WWTR1: variants seen among roughly 807,000 people sequenced by gnomAD.
The protein encoded by WWTR1 is WW domain containing transcription regulator 1.
In WWTR1, 13 loss-of-function variants were observed where a neutral mutation model predicts 40.1. The ratio of observed to expected loss-of-function variants is 0.32; its 90% confidence interval spans 0.21 to 0.52. WWTR1 has a LOEUF of 0.52. WWTR1 is among the 20% of genes least tolerant of loss of function. The pLI, the probability that WWTR1 is intolerant of heterozygous loss-of-function variation, is 0.97. For synonymous variants in WWTR1, 230 were observed against 210.1 expected (o/e 1.09, Z -0.82); for missense variants, 436 against 523.1 (o/e 0.83, Z 1.63).
chr3:149,591,270 C>T (rs951243995), intron 2 of WWTR1, among the ~76,000 whole-genome samples: 10 of 152,180 alleles, frequency 6.6e-5, no homozygotes, highest in African/African-American at 1.9e-4. Flanking sequence ...AATGCTGGAA[C>T]CCTAAGCCAG....
chr3:149,664,125 G>A (rs34797842), intron 2 of WWTR1, among the ~76,000 whole-genome samples: 26 of 152,210 alleles, frequency 1.7e-4, no homozygotes, highest in African/African-American at 5.8e-4. Flanking sequence ...AAACTTGGTG[G>A]GGTGGCTAAG....
At chr3:149,560,961 C>T (rs548487009) in intron 3 of WWTR1, among the ~76,000 whole-genome samples, 1 of 151,638 alleles carries the variant, frequency 6.6e-6, no homozygotes. Flanking sequence ...GTAACACCCC[C>T]CCCCGCAAAA....
chr3:149,543,812 T>C (rs940467299), intron 3 of WWTR1, among the ~76,000 whole-genome samples: 4 of 150,956 alleles, frequency 2.6e-5, no homozygotes, highest in African/African-American at 9.7e-5. Context: ...GAAAACAAGG[T>C]ATAATTTTAT....
intron 2 of WWTR1, among the ~76,000 whole-genome samples, chr3:149,590,999 CTTTTTTT>C (rs35562651): frequency 1.4e-5 from 2 of 144,228 alleles, no homozygotes; most frequent in Non-Finnish European, 3.0e-5. Context: ...CAAAACTTAG[CTTTTTTT>C]TTTTTTTTAA....
chr3:149,666,798 A>G (rs1227206867), intron 2 of WWTR1, among the ~76,000 whole-genome samples: 3 of 152,342 alleles, frequency 2.0e-5, no homozygotes, highest in South Asian at 2.1e-4. Flanking sequence ...CTTTCAAATT[A>G]TATTTCTTCT....
chr3:149,631,465 T>A (rs1711545660), intron 2 of WWTR1, among the ~76,000 whole-genome samples: 1 of 152,182 alleles, frequency 6.6e-6, no homozygotes. Flanking sequence ...CTTCAGCCAG[T>A]TACTAAAAAA....
chr3:149,616,259 C>G (rs1242933799), intron 2 of WWTR1, among the ~76,000 whole-genome samples: 1 of 152,056 alleles, frequency 6.6e-6, no homozygotes, highest in Non-Finnish European at 1.5e-5. Flanking sequence ...CTCATTTTTC[C>G]CCTTAATTGA....
upstream of WWTR1, among the ~76,000 whole-genome samples, chr3:149,661,739 T>G (rs191027200): frequency 0.025 from 3,675 of 149,846 alleles, 60 homozygotes; most frequent in Non-Finnish European, 0.037. Context: ...TAAAGTTTTT[T>G]TTTTTTTTTT....
intron 2 of WWTR1, among the ~76,000 whole-genome samples, chr3:149,612,767 T>C (rs930968345): frequency 6.6e-6 from 1 of 152,230 alleles, no homozygotes; most frequent in Non-Finnish European, 1.5e-5. Context: ...TCAGAATTCC[T>C]GCACTCGTCA....
At chr3:149,563,876 C>A (rs987931577) in intron 3 of WWTR1, among the ~76,000 whole-genome samples, 7 of 152,172 alleles carry the variant, frequency 4.6e-5, no homozygotes, top group Non-Finnish European at 1.0e-4. Flanking sequence ...CTGAGCCTCC[C>A]AAGTAGCTGG....
intron 2 of WWTR1, among the ~76,000 whole-genome samples, chr3:149,579,303 C>A (rs11916830): frequency 0.094 from 14,251 of 152,192 alleles, 870 homozygotes; most frequent in Non-Finnish European, 0.13. Flanking sequence ...TCTTTTGCCA[C>A]AACCTAGCTG....
rs546629408 is a variant in WWTR1, at chr3:149,608,542, C to T, written c.432-35542G>A. On this transcript the variant is annotated intron_variant, in intron 2 of 6. Transcript: ENST00000360632. The stretch of plus-strand genomic sequence containing the variant: ...CTAGGACTACAGGCATGTGCCACCA[C>T]GCCTGGCTAATTTTTTTGTATTTTT... Among the ~76,000 whole-genome samples, 19 of 152,108 alleles carry T rather than the reference C, an allele frequency of 1.2e-4. No homozygotes were observed. The East Asian group carries it at 2.1e-3, about 17-fold the overall frequency.
chr3:149,563,710 CCCA>C (rs1302240768), intron 3 of WWTR1, among the ~76,000 whole-genome samples: 2 of 152,142 alleles, frequency 1.3e-5, no homozygotes, highest in Non-Finnish European at 2.9e-5. Flanking sequence ...CTGGCATTTT[CCCA>C]TCACTGTGCT....
At chr3:149,620,577 C>G (rs946402889) in intron 2 of WWTR1, among the ~76,000 whole-genome samples, 1 of 145,188 alleles carries the variant, frequency 6.9e-6, no homozygotes, top group Non-Finnish European at 1.5e-5. Context: ...CCCCCACACA[C>G]ACACACTCAT....
At chr3:149,722,305 C>A (rs1321696816) in intron 4 of WWTR1, among the ~76,000 whole-genome samples, 1 of 150,534 alleles carries the variant, frequency 6.6e-6, no homozygotes, top group Non-Finnish European at 1.5e-5. Context: ...GTTTCTTTTA[C>A]TTTTTCTAGT....
chr3:149,716,884 C>A (rs558824248), intron 5 of WWTR1, among the ~76,000 whole-genome samples: 35 of 152,166 alleles, frequency 2.3e-4, no homozygotes, highest in African/African-American at 7.7e-4. Flanking sequence ...TCACAAGAAT[C>A]AAAAATTATG....
At chr3:149,553,230 A>G (rs999503212) in intron 3 of WWTR1, among the ~76,000 whole-genome samples, 1 of 152,226 alleles carries the variant, frequency 6.6e-6, no homozygotes, top group Non-Finnish European at 1.5e-5. Context: ...TACAGCTGGC[A>G]TCAGCTGCAT....
chr3:149,572,925 G>A lies in WWTR1; in HGVS notation c.507C>T (p.His169=), dbSNP rs368081804. ...MNQPLNHMNL[H]PAVSSTPVPQ... is the part of the protein sequence containing the mutation. ...GCACTGGTGTGGAACTGACGGCAGGGTGGAGGTTCATATGATTCAGAGGCT... is the reference window on the plus strand; with the variant it reads ...GCACTGGTGTGGAACTGACGGCAGGATGGAGGTTCATATGATTCAGAGGCT... The change falls in exon 3 of 7, where the codon CAC becomes CAT. Residue 169 remains histidine (H), a synonymous_variant. Coordinates refer to ENST00000360632, the MANE Select transcript of WWTR1 (RefSeq NM_015472.6). 2.5e-5 allele frequency: 40 copies of A among 1,613,826 alleles called. No individual in the cohort carries two copies. Among genetic ancestry groups the A allele is most frequent in the African/African-American group, 4.0e-5 (3 of 74,852 alleles).
At chr3:149,676,266 G>C (rs1263541848) in intron 1 of WWTR1, among the ~76,000 whole-genome samples, 1 of 5,712 alleles carries the variant, frequency 1.8e-4, no homozygotes, top group African/African-American at 1.3e-3. Context: ...AAGGGAAAGA[G>C]ACAAAAAAAA....
Sources: allele counts gnomAD v4.1 joint callset (sites outside exome capture counted in the v4.1 genomes callset), GRCh38; gene constraint gnomAD v4.1.1; transcripts MANE v1.5; gene names NCBI Gene and HGNC (gene_info 2026-07-23, HGNC 2026-07-21).